The following ANKFN1 variants were observed in gnomAD, a reference collection of about 807,000 sequenced individuals.
The protein encoded by ANKFN1 is ankyrin repeat and fibronectin type-III domain-containing protein 1.
Under a neutral mutation model 108.7 loss-of-function variants are expected in ANKFN1, and 74 were observed. The observed-to-expected ratio is 0.68, with a 90% CI of 0.56 to 0.83. The LOEUF (loss-of-function observed/expected upper bound fraction) is 0.83. Ranked by LOEUF, ANKFN1 falls within the 40% of genes least tolerant of loss-of-function variation. ANKFN1 has a pLI of 0.00. For missense variants in ANKFN1, 1,505 were observed against 1,382.3 expected (o/e 1.09, Z -1.41); for synonymous variants, 547 against 516.2 (o/e 1.06, Z -0.81).
chr17:56,483,785 T>C (rs763857492), intron 18 of ANKFN1, among the ~76,000 whole-genome samples: 2 of 152,220 alleles, frequency 1.3e-5, no homozygotes. Flanking sequence ...GTCTGTAATA[T>C]AACAACACTG....
At chr17:56,419,600 C>T (rs1284040819) in intron 8 of ANKFN1, among the ~76,000 whole-genome samples, 1 of 151,908 alleles carries the variant, frequency 6.6e-6, no homozygotes, top group Admixed American at 6.6e-5. Flanking sequence ...TCTAGACCAC[C>T]TGAGGCAACC....
chr17:56,318,509 C>T (rs1288141062), intron 3 of ANKFN1, among the ~76,000 whole-genome samples: 4 of 152,140 alleles, frequency 2.6e-5, no homozygotes, highest in Non-Finnish European at 5.9e-5. Flanking sequence ...ATCAATGAGG[C>T]CCGGGTCCTG....
At chr17:56,445,639 G>A (rs1411656389) in intron 10 of ANKFN1, among the ~76,000 whole-genome samples, 1 of 152,144 alleles carries the variant, frequency 6.6e-6, no homozygotes, top group Non-Finnish European at 1.5e-5. Flanking sequence ...TCGGTATTCA[G>A]ATATTTACTA....
intron 3 of ANKFN1, among the ~76,000 whole-genome samples, chr17:56,305,724 A>G (rs887951742): frequency 2.6e-5 from 4 of 152,182 alleles, no homozygotes; most frequent in Non-Finnish European, 5.9e-5. Context: ...CTAGTACTAG[A>G]CCCTGAAGAT....
intron 8 of ANKFN1, among the ~76,000 whole-genome samples, chr17:56,402,639 G>C (rs1457720290): frequency 6.6e-6 from 1 of 151,870 alleles, no homozygotes; most frequent in Admixed American, 6.6e-5. Context: ...CAAAGAACCA[G>C]CTTTTTGTTT....
At chr17:56,487,993 A>C (rs1470290441) in intron 18 of ANKFN1, among the ~76,000 whole-genome samples, 1 of 152,236 alleles carries the variant, frequency 6.6e-6, no homozygotes, top group Non-Finnish European at 1.5e-5. Flanking sequence ...TGAAGCTAAA[A>C]GTTTAAAAGA....
chr17:56,319,351 C>T (rs758467007), intron 3 of ANKFN1, among the ~76,000 whole-genome samples: 3 of 152,106 alleles, frequency 2.0e-5, no homozygotes, highest in Admixed American at 2.0e-4. Flanking sequence ...TTATCAAATC[C>T]TAGAGTATTA....
chr17:56,188,581 G>GTGTGTGTGTGTGTGTGTA (rs1212242378), intron 1 of ANKFN1, among the ~76,000 whole-genome samples: 1 of 49,646 alleles, frequency 2.0e-5, no homozygotes, highest in African/African-American at 1.0e-4. Context: ...GTGTGTGTGT[G>GTGTGTGTGTGTGTGTGTA]TATATATATA....
intron 6 of ANKFN1, among the ~76,000 whole-genome samples, chr17:56,370,948 G>GT (rs34547153): frequency 0.62 from 92,185 of 149,272 alleles, 31,457 homozygotes; most frequent in East Asian, 0.95. Flanking sequence ...GTGTGTATGT[G>GT]TTTTTTTTTT....
chr17:56,308,540 C>A (rs1036444721), intron 3 of ANKFN1, among the ~76,000 whole-genome samples: 1 of 151,912 alleles, frequency 6.6e-6, no homozygotes, highest in African/African-American at 2.4e-5. Context: ...TTCTAGTGAG[C>A]ATTTCAATAA....
At chr17:56,055,721 C>T (rs1225364317) in intron 4 of ANKFN1, among the ~76,000 whole-genome samples, 3 of 150,190 alleles carry the variant, frequency 2.0e-5, no homozygotes, top group East Asian at 3.9e-4. Flanking sequence ...ATTGATTTCT[C>T]TTTCTTTGGG....
intron 4 of ANKFN1, among the ~76,000 whole-genome samples, chr17:56,137,400 C>T (rs1453220712): frequency 6.6e-6 from 1 of 152,158 alleles, no homozygotes; most frequent in Non-Finnish European, 1.5e-5. Context: ...GAGGCAAATC[C>T]CTTGCCCAAG....
At chr17:56,292,620 T>C (rs1367450451) in intron 3 of ANKFN1, among the ~76,000 whole-genome samples, 1 of 152,166 alleles carries the variant, frequency 6.6e-6, no homozygotes. Flanking sequence ...AGAAAGCTTC[T>C]CTGTTAGCAT....
intron 3 of ANKFN1, among the ~76,000 whole-genome samples, chr17:56,279,463 T>G (rs539359196): frequency 3.3e-5 from 5 of 152,330 alleles, no homozygotes; most frequent in African/African-American, 1.2e-4. Flanking sequence ...TCATAGAGCT[T>G]CTTCAGACAG....
chr17:56,503,486 C>CAT (rs3052391), intron 20 of ANKFN1, among the ~76,000 whole-genome samples: 1,199 of 81,302 alleles, frequency 0.015, 39 homozygotes, highest in African/African-American at 0.041. Flanking sequence ...GCACAAATTT[C>CAT]ATATATATAT....
intron 6 of ANKFN1, among the ~76,000 whole-genome samples, chr17:56,363,521 G>A (rs559460568): frequency 6.6e-6 from 1 of 152,166 alleles, no homozygotes; most frequent in East Asian, 1.9e-4. Flanking sequence ...GAGTTTCCTC[G>A]AAAAACTAAA....
chr17:56,458,077 C>T, intron 14 of ANKFN1, 98 bp downstream of exon 14: 1 of 985,158 alleles, frequency 1.0e-6, no homozygotes, highest in Non-Finnish European at 1.5e-6. Context: ...GGATGGGCTC[C>T]CTTCTCTTTC....
At chr17:56,300,317 C>T (rs975409787) in intron 3 of ANKFN1, among the ~76,000 whole-genome samples, 4 of 152,190 alleles carry the variant, frequency 2.6e-5, no homozygotes, top group African/African-American at 9.6e-5. Context: ...CAGGGCAAAA[C>T]CAGCTGCTTT....
chr17:56,229,660 G>GA (rs1916557749), intron 3 of ANKFN1, among the ~76,000 whole-genome samples: 3 of 33,292 alleles, frequency 9.0e-5, no homozygotes, highest in African/African-American at 3.4e-4. Flanking sequence ...CTTTCAGATT[G>GA]CAAAAAAAAA....
Sources: allele counts gnomAD v4.1 joint callset (sites outside exome capture counted in the v4.1 genomes callset), GRCh38; gene constraint gnomAD v4.1.1; transcripts MANE v1.5; gene names NCBI Gene and HGNC (gene_info 2026-07-23, HGNC 2026-07-21).